The following PIK3R5 variants were observed in gnomAD, a reference collection of about 807,000 sequenced individuals.
The protein encoded by PIK3R5 is phosphoinositide 3-kinase regulatory subunit 5.
In PIK3R5, 32 loss-of-function variants were observed where a neutral mutation model predicts 94.9. The ratio of observed to expected loss-of-function variants is 0.34; its 90% CI spans 0.25 to 0.45. The LOEUF (loss-of-function observed/expected upper bound fraction) is 0.45, where lower values mean the gene tolerates loss of function less well. PIK3R5 is among the 20% of genes least tolerant of loss of function. PIK3R5 has a pLI of 1.00. For synonymous variants in PIK3R5, 443 were observed against 479.4 expected, an observed-to-expected ratio of 0.92 and a Z score of 0.99; for missense variants, 853 against 1,144.6, an observed-to-expected ratio of 0.75 and a Z score of 3.68.
rs1169131816 is a variant in PIK3R5 at position 8,881,877 on chromosome 17, G to T, written c.2210C>A (p.Ala737Asp). Reference protein sequence around the residue: ...LTLQIIYSKGAISGRSRWSNL... With the variant: ...LTLQIIYSKGDISGRSRWSNL... ...GCTCCAGCGACTTCGTCCACTGATG[G>T]CCCCCTGGAAATGCAGTGTAGCCAG... Residue 737 changes from alanine (A) to aspartate (D), a missense_variant, in exon 16 of 19, where the codon GCC becomes GAC. Physicochemically the swap from Ala to Asp is moderately radical, Grantham distance 126. Coordinates refer to ENST00000447110, the MANE Select transcript of PIK3R5 (RefSeq NM_001142633.3). The surrounding 1 kb of genome is among the most constrained non-coding windows in gnomAD (Gnocchi z 4.8). 1.2e-6 allele frequency: 2 copies of T among 1,612,596 alleles called. No homozygotes were observed. The highest frequency in any genetic ancestry group is 1.7e-6 in the Non-Finnish European group (2 of 1,179,014).
intron 1 of PIK3R5, among the ~76,000 whole-genome samples, chr17:8,961,704 T>C (rs768236517): frequency 1.3e-5 from 2 of 152,140 alleles, no homozygotes; most frequent in African/African-American, 2.4e-5. Context: ...TACATCACCA[T>C]GGCAGCAGGA....
chr17:8,946,375 T>C (rs2091270392), intron 1 of PIK3R5, among the ~76,000 whole-genome samples: 1 of 151,736 alleles, frequency 6.6e-6, no homozygotes, highest in Admixed American at 6.6e-5. Flanking sequence ...ACCAGGCACC[T>C]AAGAAAACTA....
At chr17:8,903,033 T>TG (rs1167999980) in intron 5 of PIK3R5, among the ~76,000 whole-genome samples, 3 of 151,992 alleles carry the variant, frequency 2.0e-5, no homozygotes, top group African/African-American at 7.2e-5. Flanking sequence ...TTAGTAGAGA[T>TG]GGGGTTTCAC....
intron 1 of PIK3R5, among the ~76,000 whole-genome samples, chr17:8,941,416 C>CG (rs2091177332): frequency 7.4e-6 from 1 of 135,856 alleles, no homozygotes; most frequent in Admixed American, 7.7e-5. Flanking sequence ...TGACCAGAGA[C>CG]GGCTTGAAGG....
At chr17:8,910,178 G>A (rs1201935267) in intron 2 of PIK3R5, among the ~76,000 whole-genome samples, 1 of 152,102 alleles carries the variant, frequency 6.6e-6, no homozygotes, top group Non-Finnish European at 1.5e-5. Context: ...AGTGAGAGCC[G>A]CAGGAGTGGA....
intron 1 of PIK3R5, among the ~76,000 whole-genome samples, chr17:8,941,610 C>T (rs754503109): frequency 6.6e-5 from 10 of 152,250 alleles, no homozygotes; most frequent in Admixed American, 3.3e-4. Context: ...CAGGCACAGC[C>T]GCAGAATTTG....
intron 5 of PIK3R5, among the ~76,000 whole-genome samples, chr17:8,898,701 C>T (rs1217176686): frequency 4.1e-4 from 63 of 152,280 alleles, no homozygotes; most frequent in Non-Finnish European, 8.8e-5. Context: ...TTGCTGTCCT[C>T]CTCGTCATCA....
rs994371781 is a variant in PIK3R5, at chr17:8,896,040, G to A, written c.413-2385C>T. 6.6e-6 allele frequency among the ~76,000 whole-genome samples: 1 copy of A among 152,166 alleles called. No homozygotes were observed. The highest frequency in any genetic ancestry group is 1.5e-5 in the Non-Finnish European group (1 of 68,040). Reference sequence around the variant, plus strand: ...ACTGGTGGGCTGGGGCCTGAGCTGGGAACACATTAGAAAAGACTGTGCAAT... The same window carrying A: ...ACTGGTGGGCTGGGGCCTGAGCTGGAAACACATTAGAAAAGACTGTGCAAT... On this transcript the variant is annotated intron_variant, in intron 5 of 18. Coordinates refer to ENST00000447110, the MANE Select transcript of PIK3R5 (RefSeq NM_001142633.3). This position sits in a 1 kb window ranked among gnomAD's most constrained non-coding sequence, Gnocchi z 4.0.
At position 8,884,751 on chromosome 17, in the gene PIK3R5, C is replaced by T. The variant is rs145571346; in HGVS notation, c.2161G>A (p.Asp721Asn). 5.1e-5 allele frequency: 83 copies of T among 1,612,870 alleles called. No individual in the cohort carries two copies. Among genetic ancestry groups the T allele is most frequent in the Non-Finnish European group, 6.4e-5 (76 of 1,179,486 alleles). ...PGSKRLGIDG[D>N]REAVPLTLQI... ...AGTGTTAGAGGAACAGCCTCCCGGT[C>T]GCCATCGATGCCCAGCCGCTTGCTG... The change falls in exon 15 of 19, where the codon GAC becomes AAC. Residue 721 changes from aspartate (D) to asparagine (N), a missense_variant. Around this residue, in one of 6 missense-constraint regions of PIK3R5, gnomAD observed 173 missense variants for 274.1 expected, o/e 0.63. Coordinates refer to ENST00000447110, the MANE Select transcript of PIK3R5 (RefSeq NM_001142633.3). This position sits in a 1 kb window ranked among gnomAD's most constrained non-coding sequence, Gnocchi z 5.8.
chr17:8,936,701 T>G (rs1052728939), intron 1 of PIK3R5, among the ~76,000 whole-genome samples: 1 of 152,246 alleles, frequency 6.6e-6, no homozygotes, highest in African/African-American at 2.4e-5. Context: ...AATGTCAGTC[T>G]TCTGACTTTG....
chr17:8,901,561 T>C (rs1447570068), intron 5 of PIK3R5, among the ~76,000 whole-genome samples: 1 of 152,176 alleles, frequency 6.6e-6, no homozygotes, highest in East Asian at 1.9e-4. Context: ...GTCCATAAGT[T>C]GTTGGGGAAT....
chr17:8,887,000 G>A, intron 12 of PIK3R5, 96 bp downstream of exon 12: 1 of 1,422,912 alleles, frequency 7.0e-7, no homozygotes, highest in Non-Finnish European at 9.6e-7. Flanking sequence ...TCCTCCATGG[G>A]GGCCTCAAGC....
chr17:8,895,494 C>A (rs375689811), intron 5 of PIK3R5, among the ~76,000 whole-genome samples: 1 of 152,148 alleles, frequency 6.6e-6, no homozygotes, highest in Non-Finnish European at 1.5e-5. Flanking sequence ...TGACCCTGCT[C>A]TCCTGAAGCT....
intron 1 of PIK3R5, among the ~76,000 whole-genome samples, chr17:8,951,621 T>C (rs2091377737): frequency 6.6e-6 from 1 of 152,258 alleles, no homozygotes; most frequent in South Asian, 2.1e-4. Flanking sequence ...TGAATGTATA[T>C]ACACATTTTG....
rs1288208221 is a variant in PIK3R5 at position 8,880,422 on chromosome 17, T to C, written c.*217A>G. ...TTCTACTGCCAGGAATCTAAGAGGC[T>C]ATGGGGTCTGGCCCTTCTCTCTCTG... On this transcript the variant is annotated 3_prime_UTR_variant, in exon 19 of 19. Coordinates refer to ENST00000447110, the MANE Select transcript of PIK3R5 (RefSeq NM_001142633.3). 10 of 467,154 alleles carry C rather than the reference T, an allele frequency of 2.1e-5. No homozygotes were observed. The highest frequency in any genetic ancestry group is 3.8e-5 in the Non-Finnish European group (10 of 265,722). The allele number at this position is 467,154 out of a possible 1,614,324, so 28.9% of individuals were successfully genotyped here. A position where few individuals can be genotyped will look rare whatever the true frequency, so the allele number is the denominator to read the frequency against.
At chr17:8,923,354 A>C (rs1597406415) in intron 1 of PIK3R5, among the ~76,000 whole-genome samples, 1 of 152,354 alleles carries the variant, frequency 6.6e-6, no homozygotes, top group East Asian at 1.9e-4. Flanking sequence ...ATAGGAATTG[A>C]AAGCTTACTA....
chr17:8,943,557 G>C (rs375620727), intron 1 of PIK3R5, among the ~76,000 whole-genome samples: 26 of 152,298 alleles, frequency 1.7e-4, no homozygotes, highest in African/African-American at 6.0e-4. Context: ...TGCATCATCA[G>C]GTCAGGAGTT....
chr17:8,934,499 T>C (rs1188802267), intron 1 of PIK3R5, among the ~76,000 whole-genome samples: 1 of 152,220 alleles, frequency 6.6e-6, no homozygotes, highest in African/African-American at 2.4e-5. Flanking sequence ...CAAGTTCATC[T>C]ATGGATTCAA....
chr17:8,889,309 C>G lies in PIK3R5; in HGVS notation c.812-87G>C. On this transcript the variant is annotated intron_variant, in intron 8 of 18. Transcript: ENST00000447110. This position sits in a 1 kb window ranked among gnomAD's most constrained non-coding sequence, Gnocchi z 4.1. ...CAGTCCCCTTGCCTTGGAGAAGAGA[C>G]CAGAGATGGGACAGGATCGGCACAA... The G allele has an allele frequency of 1.1e-6, 1 of 944,346 alleles. No homozygotes were observed. The highest frequency in any genetic ancestry group is 1.6e-6 in the Non-Finnish European group (1 of 613,728). 58.5% of individuals were successfully genotyped at this position (944,346 alleles called of 1,614,324 possible). A position where few individuals can be genotyped will look rare whatever the true frequency, so the allele number is the denominator to read the frequency against.
Sources: gnomAD v4.1 joint callset for allele counts (sites outside exome capture counted in the v4.1 genomes callset) on GRCh38, gnomAD v4.1.1 for gene constraint, gnomAD v4.1.1 regional missense constraint, Gnocchi (gnomAD v3.1) non-coding constraint, MANE v1.5 for transcripts, NCBI Gene and HGNC (gene_info 2026-07-23, HGNC 2026-07-21) for gene names.